The following TOGARAM1 variants were observed in gnomAD, a reference collection of about 807,000 sequenced individuals.
TOGARAM1 encodes the protein TOG array regulator of axonemal microtubules protein 1.
A neutral mutation model predicts 166.6 loss-of-function variants in TOGARAM1; 100 were observed. That is an observed-to-expected ratio of 0.60 (90% CI 0.51 to 0.71). TOGARAM1 has a LOEUF of 0.71. Ranked by LOEUF, TOGARAM1 falls within the 30% of genes least tolerant of loss-of-function variation. The pLI, the probability that TOGARAM1 is intolerant of heterozygous loss-of-function variation, is 0.00. For missense variants in TOGARAM1, 2,029 were observed against 2,102.7 expected, an observed-to-expected ratio of 0.96 and a Z score of 0.69; for synonymous variants, 758 against 763.8, an observed-to-expected ratio of 0.99 and a Z score of 0.13.
intron 1 of TOGARAM1, among the ~76,000 whole-genome samples, chr14:44,994,137 C>T (rs1168614436): frequency 1.3e-5 from 2 of 152,108 alleles, no homozygotes; most frequent in African/African-American, 4.8e-5. Flanking sequence ...GGCAGAGTCT[C>T]ACTCTGTTGC....
At chr14:45,066,361 T>C (rs1883137000) in intron 16 of TOGARAM1, among the ~76,000 whole-genome samples, 1 of 152,160 alleles carries the variant, frequency 6.6e-6, no homozygotes, top group African/African-American at 2.4e-5. Context: ...AGTAAAAGTA[T>C]AGGCTAACTC....
At chr14:45,031,351 T>C (rs1341653522) in intron 10 of TOGARAM1, among the ~76,000 whole-genome samples, 1 of 152,220 alleles carries the variant, frequency 6.6e-6, no homozygotes, top group Non-Finnish European at 1.5e-5. Flanking sequence ...TCAAAGAGGA[T>C]GATTTGTTTT....
At chr14:45,033,904 T>A (rs1879959073) in intron 11 of TOGARAM1, among the ~76,000 whole-genome samples, 1 of 152,210 alleles carries the variant, frequency 6.6e-6, no homozygotes, top group Non-Finnish European at 1.5e-5. Flanking sequence ...GGCTCATGCC[T>A]GTAATCTCAG....
intron 1 of TOGARAM1, 103 bp downstream of exon 1, chr14:44,964,570 C>G (rs1376946294): frequency 2.3e-6 from 3 of 1,301,694 alleles, no homozygotes; most frequent in Non-Finnish European, 3.1e-6. Context: ...ACATGTTATG[C>G]TTTGTTTTAA....
chr14:44,977,479 G>A (rs1886267682), intron 1 of TOGARAM1, among the ~76,000 whole-genome samples: 1 of 151,792 alleles, frequency 6.6e-6, no homozygotes, highest in South Asian at 2.1e-4. Context: ...CTCATGATCT[G>A]CCCGCCTTGG....
At chr14:44,984,694 G>C (rs1886698959) in intron 1 of TOGARAM1, among the ~76,000 whole-genome samples, 1 of 151,850 alleles carries the variant, frequency 6.6e-6, no homozygotes, top group South Asian at 2.1e-4. Flanking sequence ...AGGATCGATA[G>C]AGCCCAGGAG....
chr14:44,999,587 A>G lies in TOGARAM1; in HGVS notation c.2338+90A>G, dbSNP rs191602523. ...AACTTATATGATATTTTGTGTACTC[A>G]TACTCATCACAAAAAATAAAAGGAT... On this transcript the variant is annotated intron_variant, in intron 3 of 19. Transcript: ENST00000361462. The G allele has an allele frequency of 2.3e-3, 2,387 of 1,020,436 alleles. 12 individuals carry two copies. The highest frequency in any genetic ancestry group is 2.5e-3 in the Non-Finnish European group (1,872 of 745,748). The allele number at this position is 1,020,436 out of a possible 1,614,324, so 63.2% of individuals were successfully genotyped here. A position where few individuals can be genotyped will look rare whatever the true frequency, so the allele number is the denominator to read the frequency against.
chr14:44,973,436 T>G (rs146579363), intron 1 of TOGARAM1, among the ~76,000 whole-genome samples: 2 of 152,076 alleles, frequency 1.3e-5, no homozygotes, highest in Middle Eastern at 3.4e-3. Flanking sequence ...CATTTATACA[T>G]AAACACACAG....
chr14:45,059,315 T>C (rs1049693911), intron 16 of TOGARAM1, among the ~76,000 whole-genome samples: 7 of 152,044 alleles, frequency 4.6e-5, no homozygotes, highest in Non-Finnish European at 5.9e-5. Flanking sequence ...ACTGCTGAGA[T>C]TACAAGCATG....
intron 15 of TOGARAM1, among the ~76,000 whole-genome samples, chr14:45,053,108 G>A (rs1882457631): frequency 6.8e-6 from 1 of 147,006 alleles, no homozygotes; most frequent in African/African-American, 2.5e-5. Context: ...GTGTGATCTC[G>A]GCTCACTACA....
intron 11 of TOGARAM1, among the ~76,000 whole-genome samples, 155 bp from the exon 12 acceptor site, chr14:45,043,531 A>G (rs1008618063): frequency 1.1e-4 from 17 of 151,914 alleles, no homozygotes; most frequent in African/African-American, 3.9e-4. Flanking sequence ...TCATGAACCA[A>G]CCTCTGCTAA....
chr14:45,020,191 T>C (rs1594662426), intron 7 of TOGARAM1, among the ~76,000 whole-genome samples: 1 of 152,188 alleles, frequency 6.6e-6, no homozygotes, highest in Admixed American at 6.5e-5. Context: ...GGCCCCAGGG[T>C]CTGGTGCTTT....
At chr14:45,021,292 G>C (rs1880486779) in intron 7 of TOGARAM1, among the ~76,000 whole-genome samples, 1 of 151,906 alleles carries the variant, frequency 6.6e-6, no homozygotes, top group Non-Finnish European at 1.5e-5. Context: ...AGCAGTTGCG[G>C]GGCATATGGG....
At chr14:44,982,851 G>A (rs1166859856) in intron 1 of TOGARAM1, among the ~76,000 whole-genome samples, 1 of 152,106 alleles carries the variant, frequency 6.6e-6, no homozygotes, top group Admixed American at 6.6e-5. Flanking sequence ...ACAGTATGAT[G>A]GTAGGGACTG....
chr14:45,032,144 A>T, intron 10 of TOGARAM1, 79 bp from the exon 11 acceptor site: 1 of 1,301,760 alleles, frequency 7.7e-7, no homozygotes, highest in Non-Finnish European at 1.1e-6. Flanking sequence ...TGGGCAACAC[A>T]GCGAGACTCC....
At chr14:45,023,925 G>T (rs1880677079) in intron 7 of TOGARAM1, among the ~76,000 whole-genome samples, 1 of 152,120 alleles carries the variant, frequency 6.6e-6, no homozygotes, top group African/African-American at 2.4e-5. Context: ...ATTTTTGGTA[G>T]AGAAGGGGTT....
chr14:45,001,002 A>G (rs923252386), intron 3 of TOGARAM1, among the ~76,000 whole-genome samples: 2 of 152,172 alleles, frequency 1.3e-5, no homozygotes, highest in African/African-American at 4.8e-5. Flanking sequence ...GAGTGCTAGG[A>G]TTACAGGTGC....
intron 1 of TOGARAM1, among the ~76,000 whole-genome samples, chr14:44,982,030 G>A (rs1055937392): frequency 3.3e-5 from 5 of 151,702 alleles, no homozygotes; most frequent in East Asian, 1.9e-4. Context: ...TTCAGTAGAG[G>A]TGGGGTTTTG....
At chr14:45,028,454 A>G in intron 10 of TOGARAM1, 125 bp downstream of exon 10, 1 of 980,884 alleles carries the variant, frequency 1.0e-6, no homozygotes, top group Non-Finnish European at 1.5e-6. Context: ...CGAAATTTGC[A>G]AGTTCTGCCT....
Sources: gnomAD v4.1 joint callset for allele counts (sites outside exome capture counted in the v4.1 genomes callset) on GRCh38, gnomAD v4.1.1 for gene constraint, MANE v1.5 for transcripts, NCBI Gene and HGNC (gene_info 2026-07-23, HGNC 2026-07-21) for gene names.